The following CELF1 variants were observed in gnomAD, a reference collection of about 807,000 sequenced individuals.
CELF1 encodes the protein CUGBP Elav-like family member 1.
CELF1 carries 10 observed loss-of-function variants against 61.8 expected under a neutral mutation model. That is an observed-to-expected ratio of 0.16 (90% confidence interval 0.10 to 0.27). CELF1 has a LOEUF of 0.27. CELF1 is among the 10% of genes least tolerant of loss of function. CELF1 has a pLI of 1.00. For synonymous variants in CELF1, 236 were observed against 225.1 expected (o/e 1.05, Z -0.43); for missense variants, 380 against 639.1 (o/e 0.59, Z 4.37).
In CELF1 at chr11:47,472,153, G is replaced by A; in HGVS notation, c.*77C>T. The A allele has an allele frequency of 6.4e-7, 1 of 1,560,120 alleles. No individual in the cohort carries two copies. The highest frequency in any genetic ancestry group is 8.8e-7 in the Non-Finnish European group (1 of 1,140,402). Reference sequence around the variant, plus strand: ...CCAGGGCTGTCAACACACAGCCTCAGGGCTTCGAATCATTAAGGGTGCTCC... The same window carrying A: ...CCAGGGCTGTCAACACACAGCCTCAAGGCTTCGAATCATTAAGGGTGCTCC... On this transcript the variant is annotated 3_prime_UTR_variant, in exon 15 of 15. Transcript: ENST00000687097.
At chr11:47,497,893 G>T (rs2093397303) in intron 3 of CELF1, among the ~76,000 whole-genome samples, 1 of 152,126 alleles carries the variant, frequency 6.6e-6, no homozygotes, top group South Asian at 2.1e-4. Flanking sequence ...GTCAATGTTG[G>T]GTTGAACACC....
chr11:47,494,482 C>G (rs2092667740), intron 3 of CELF1: 1 of 983,852 alleles, frequency 1.0e-6, no homozygotes, highest in Non-Finnish European at 1.2e-6. Flanking sequence ...TGGGAAGAGA[C>G]ACACGAGGGA....
At chr11:47,510,964 A>G (rs1374503806) in intron 1 of CELF1, among the ~76,000 whole-genome samples, 1 of 152,026 alleles carries the variant, frequency 6.6e-6, no homozygotes, top group African/African-American at 2.4e-5. Flanking sequence ...AGAGGACTGC[A>G]TGAGCCCACA....
At chr11:47,519,196 T>C (rs1425412155) in intron 1 of CELF1, among the ~76,000 whole-genome samples, 1 of 152,156 alleles carries the variant, frequency 6.6e-6, no homozygotes, top group Admixed American at 6.6e-5. Flanking sequence ...TTATCACTTT[T>C]TAAAAAAAGT....
In CELF1 at chr11:47,470,399, G is replaced by T. The variant is rs531686567; in HGVS notation, c.*1831C>A. The T allele has an allele frequency of 6.6e-6, 1 of 151,732 alleles. No homozygotes were observed. The highest frequency in any genetic ancestry group is 2.1e-4 in the South Asian group (1 of 4,816). 9.4% of individuals were successfully genotyped at this position (151,732 alleles called of 1,614,324 possible). ...AACAGTTTTATCCTTTGAAACACAG[G>T]ACACATTTCTCCCAGTGCGCAGAAT... On this transcript the variant is annotated 3_prime_UTR_variant, in exon 15 of 15. Transcript: ENST00000687097.
At chr11:47,499,647 G>T in intron 2 of CELF1, 43 bp from the exon 3 acceptor site, 1 of 718,198 alleles carries the variant, frequency 1.4e-6, no homozygotes. Flanking sequence ...GGAGCTCAGG[G>T]AAACCAGCAA....
rs80211172 is a variant in CELF1, at chr11:47,470,224, G to T, written c.*2006C>A. 4.0e-5 allele frequency: 6 copies of T among 151,452 alleles called. No individual in the cohort carries two copies. The highest frequency in any genetic ancestry group is 7.3e-5 in the African/African-American group (3 of 41,198). 9.4% of individuals were successfully genotyped at this position (151,452 alleles called of 1,614,324 possible). A position where few individuals can be genotyped will look rare whatever the true frequency, so the allele number is the denominator to read the frequency against. The stretch of plus-strand genomic sequence containing the variant: ...ATAAAACTTCTATAAAAATAGAAAC[G>T]ACATTCTTGGTTCCAGCCGGTTGGG... On this transcript the variant is annotated 3_prime_UTR_variant, in exon 15 of 15. Transcript: ENST00000687097.
At chr11:47,558,938 GTATGTAATATATTACATATAA>G (rs2097217201) in intron 2 of CELF1, among the ~76,000 whole-genome samples, 4 of 133,998 alleles carry the variant, frequency 3.0e-5, no homozygotes, top group African/African-American at 1.1e-4. Context: ...ATATAATGCG[GTATGTAATATATTACATATAA>G]TATGTAATAT....
chr11:47,529,623 C>T (rs192104366), intron 1 of CELF1, among the ~76,000 whole-genome samples: 3 of 151,944 alleles, frequency 2.0e-5, no homozygotes, highest in Non-Finnish European at 4.4e-5. Flanking sequence ...CCTGTCACTG[C>T]ACTCCAGCCT....
At chr11:47,550,320 C>A (rs190392315) in intron 1 of CELF1, among the ~76,000 whole-genome samples, 26 of 152,158 alleles carry the variant, frequency 1.7e-4, no homozygotes, top group African/African-American at 5.8e-4. Flanking sequence ...CACCTGAGGT[C>A]AGGAGTTCTA....
intron 1 of CELF1, among the ~76,000 whole-genome samples, chr11:47,550,313 C>CT (rs1288460567): frequency 6.6e-6 from 1 of 151,894 alleles, no homozygotes; most frequent in African/African-American, 2.4e-5. Flanking sequence ...GGCAGATCAC[C>CT]TGAGGTCAGG....
intron 1 of CELF1, among the ~76,000 whole-genome samples, chr11:47,527,824 G>C (rs2096302991): frequency 6.6e-6 from 1 of 152,122 alleles, no homozygotes; most frequent in South Asian, 2.1e-4. Flanking sequence ...GGCCAGGTGT[G>C]GTGGCTCACG....
At position 47,558,654 on chromosome 11, in the gene CELF1, TA is replaced by T. The variant is rs1223378497; in HGVS notation, c.-11+5696del. On this transcript the variant is annotated intron_variant, in intron 2 of 3. Transcript: ENST00000525841. ...AATATAATGTGTAATATATTAGATA[TA>T]ATATATTACATAATATAATATGTAA... 1.2e-4 allele frequency among the ~76,000 whole-genome samples: 13 copies of T among 109,976 alleles called. No homozygotes were observed. The South Asian group carries it at 3.0e-3, about 25-fold the overall frequency. 72.1% of individuals were successfully genotyped at this position (109,976 alleles called of 152,430 possible). A position where few individuals can be genotyped will look rare whatever the true frequency, so the allele number is the denominator to read the frequency against.
At chr11:47,499,301 T>G (rs2093605991) in intron 3 of CELF1, among the ~76,000 whole-genome samples, 152 bp downstream of exon 3, 1 of 152,146 alleles carries the variant, frequency 6.6e-6, no homozygotes, top group South Asian at 2.1e-4. Context: ...AGACTACAAT[T>G]GAAAATAATA....
chr11:47,512,553 T>G (rs1597487495), intron 1 of CELF1, among the ~76,000 whole-genome samples: 1 of 150,264 alleles, frequency 6.7e-6, no homozygotes, highest in East Asian at 2.0e-4. Flanking sequence ...TTAGCCAGGG[T>G]GGTCTCGAAC....
chr11:47,558,300 C>T (rs927310657), intron 2 of CELF1, among the ~76,000 whole-genome samples: 12 of 150,958 alleles, frequency 7.9e-5, no homozygotes, highest in African/African-American at 2.4e-4. Context: ...TGAGGTGGCC[C>T]GAGCCTGATC....
At chr11:47,528,027 C>T (rs985712594) in intron 1 of CELF1, among the ~76,000 whole-genome samples, 6 of 152,066 alleles carry the variant, frequency 3.9e-5, no homozygotes, top group Non-Finnish European at 8.8e-5. Flanking sequence ...ACCCGAGAGG[C>T]GGAGGTTGCA....
intron 1 of CELF1, among the ~76,000 whole-genome samples, chr11:47,528,061 A>C (rs918692437): frequency 1.3e-5 from 2 of 152,046 alleles, no homozygotes; most frequent in African/African-American, 4.8e-5. Flanking sequence ...ACACCATTGC[A>C]CTCTGGCCTG....
At chr11:47,507,489 T>G (rs1323861289) in intron 1 of CELF1, among the ~76,000 whole-genome samples, 1 of 151,660 alleles carries the variant, frequency 6.6e-6, no homozygotes, top group Non-Finnish European at 1.5e-5. Context: ...GATGGGGAAG[T>G]TAATTGATGG....
Sources: gnomAD v4.1 joint callset for allele counts (sites outside exome capture counted in the v4.1 genomes callset) on GRCh38, gnomAD v4.1.1 for gene constraint, MANE v1.5 for transcripts, NCBI Gene and HGNC (gene_info 2026-07-23, HGNC 2026-07-21) for gene names.